Variants in SRGAP2C observed in about 807,000 individuals in gnomAD.
The protein encoded by SRGAP2C is SLIT-ROBO Rho GTPase-activating protein 2C.
Under a neutral mutation model 25.1 loss-of-function variants are expected in SRGAP2C, and 15 were observed. The observed-to-expected ratio is 0.60, with a 90% confidence interval of 0.40 to 0.92. The LOEUF (loss-of-function observed/expected upper bound fraction) is 0.92. Ranked by LOEUF, SRGAP2C falls within the 40% of genes least tolerant of loss-of-function variation. SRGAP2C has a pLI of 0.00. For synonymous variants in SRGAP2C, 44 were observed against 96.6 expected (o/e 0.46, Z 3.19); for missense variants, 144 against 264.4 (o/e 0.54, Z 3.16).
chr1:121,308,879 C>A (rs1275550573), intron 3 of SRGAP2C, among the ~76,000 whole-genome samples: 1 of 134,762 alleles, frequency 7.4e-6, no homozygotes, highest in Non-Finnish European at 1.6e-5. Flanking sequence ...GCGGAGGTTG[C>A]GGTGAGCCGA....
At chr1:121,278,269 AG>A (rs1657159459) in intron 2 of SRGAP2C, among the ~76,000 whole-genome samples, 1 of 151,356 alleles carries the variant, frequency 6.6e-6, no homozygotes, top group Non-Finnish European at 1.5e-5. Context: ...TACTTAATAG[AG>A]TAAAGTAATG....
intron 2 of SRGAP2C, among the ~76,000 whole-genome samples, chr1:121,224,097 TAC>T (rs1655606200): frequency 1.3e-5 from 2 of 151,832 alleles, no homozygotes; most frequent in Admixed American, 1.3e-4. Context: ...GACAAAGAAA[TAC>T]AGTTTCTGCC....
At chr1:121,372,111 G>A (rs1249186581) in intron 5 of SRGAP2C, among the ~76,000 whole-genome samples, 1 of 151,194 alleles carries the variant, frequency 6.6e-6, no homozygotes, top group African/African-American at 2.4e-5. Context: ...AGTAGTGTTA[G>A]GTTCAGAATG....
intron 3 of SRGAP2C, among the ~76,000 whole-genome samples, chr1:121,315,277 A>G (rs1346838405): frequency 3.3e-5 from 5 of 152,008 alleles, no homozygotes; most frequent in Admixed American, 2.0e-4. Flanking sequence ...CTGAGTAGCC[A>G]GGAGTACAGG....
rs1472896146 is a variant in SRGAP2C, at chr1:121,374,923, A to C, written c.800A>C (p.Tyr267Ser). 1.3e-6 allele frequency: 1 copy of C among 778,510 alleles called. No homozygotes were observed. The highest frequency in any genetic ancestry group is 1.7e-5 in the Admixed American group (1 of 58,728). 48.2% of individuals were successfully genotyped at this position (778,510 alleles called of 1,614,324 possible). Residue 267 changes from tyrosine (Y) to serine (S), a missense_variant, in exon 7 of 10, where the codon TAC becomes TCC. By Grantham distance (144) the Tyr-to-Ser change is moderately radical. Coordinates refer to ENST00000367123, the MANE Select transcript of SRGAP2C (RefSeq NM_001329984.2). ...GCAACCAATGCATCTGTCTTCAAGT[A>C]CTACATCCATGACCTATCTGACCTT... is the stretch of plus-strand genomic sequence containing the variant. ...LEATNASVFKYYIHDLSDLID... is the reference protein window; with the variant it reads ...LEATNASVFKSYIHDLSDLID...
chr1:121,315,165 G>C (rs1658068727), intron 3 of SRGAP2C: 1 of 401,628 alleles, frequency 2.5e-6, no homozygotes, highest in African/African-American at 2.1e-5. Context: ...TATTTTTTAA[G>C]AGACAGGTCC....
At chr1:121,285,040 G>A in intron 3 of SRGAP2C, 45 bp downstream of exon 3, 1 of 887,832 alleles carries the variant, frequency 1.1e-6, no homozygotes, top group South Asian at 1.9e-5. Context: ...TGGAATATGG[G>A]GTCCAGGGTG....
intron 3 of SRGAP2C, among the ~76,000 whole-genome samples, chr1:121,305,953 G>T (rs1424867538): frequency 6.6e-6 from 1 of 152,132 alleles, no homozygotes; most frequent in Non-Finnish European, 1.5e-5. Flanking sequence ...GTACTGACAG[G>T]TTTAACCATC....
At chr1:121,224,848 A>G (rs1553326289) in intron 2 of SRGAP2C, among the ~76,000 whole-genome samples, 1 of 151,474 alleles carries the variant, frequency 6.6e-6, no homozygotes, top group Non-Finnish European at 1.5e-5. Flanking sequence ...ATAGCAAGTG[A>G]AAAGGATGTG....
At chr1:121,350,155 G>A (rs1658866194) in intron 4 of SRGAP2C, among the ~76,000 whole-genome samples, 1 of 151,554 alleles carries the variant, frequency 6.6e-6, no homozygotes, top group Non-Finnish European at 1.5e-5. Flanking sequence ...GGGTAGCCTT[G>A]GTAAAATTCC....
chr1:121,189,096 CTT>C (rs1172103186), intron 2 of SRGAP2C, among the ~76,000 whole-genome samples: 10 of 29,056 alleles, frequency 3.4e-4, no homozygotes, highest in African/African-American at 1.9e-3. Context: ...CCAGATATGT[CTT>C]TTTTTTTTTT....
At chr1:121,296,081 C>G (rs1278084630) in intron 3 of SRGAP2C, among the ~76,000 whole-genome samples, 2 of 145,490 alleles carry the variant, frequency 1.4e-5, no homozygotes, top group Non-Finnish European at 3.0e-5. Context: ...GTTTTTTTAA[C>G]AGAAGTTAGG....
At chr1:121,306,776 A>G (rs1372671036) in intron 3 of SRGAP2C, among the ~76,000 whole-genome samples, 2 of 152,038 alleles carry the variant, frequency 1.3e-5, no homozygotes, top group Non-Finnish European at 1.5e-5. Flanking sequence ...ATACGTAATT[A>G]TCTCCCATAA....
At chr1:121,259,574 C>T (rs1348813027) in intron 2 of SRGAP2C, among the ~76,000 whole-genome samples, 2 of 150,612 alleles carry the variant, frequency 1.3e-5, no homozygotes, top group Non-Finnish European at 3.0e-5. Context: ...TACAATTATT[C>T]ATTCATTTAT....
At chr1:121,308,014 C>A (rs1657883796) in intron 3 of SRGAP2C, among the ~76,000 whole-genome samples, 1 of 151,992 alleles carries the variant, frequency 6.6e-6, no homozygotes, top group Non-Finnish European at 1.5e-5. Context: ...CATTAGGCAG[C>A]AGCAGTTTTG....
intron 4 of SRGAP2C, among the ~76,000 whole-genome samples, chr1:121,357,740 A>C (rs377072432): frequency 1.0e-5 from 1 of 98,200 alleles, no homozygotes; most frequent in African/African-American, 4.1e-5. Context: ...GCAATTCCAC[A>C]TAGCATCTTT....
chr1:121,293,021 G>A (rs1168879033), intron 3 of SRGAP2C, among the ~76,000 whole-genome samples: 2 of 89,580 alleles, frequency 2.2e-5, no homozygotes, highest in Admixed American at 2.2e-4. Flanking sequence ...TGGAGGACTG[G>A]AGAGGGCTTT....
chr1:121,336,447 C>T lies in SRGAP2C; in HGVS notation c.423+11807C>T, dbSNP rs1164904655. Reference sequence around the variant, plus strand: ...TCTCCCTCCTCTGTCTCTCTCCCTCCCCCCCTTCCTTCTCCCCTCTGCCTT... The same window carrying T: ...TCTCCCTCCTCTGTCTCTCTCCCTCTCCCCCTTCCTTCTCCCCTCTGCCTT... On this transcript the variant is annotated intron_variant, in intron 4 of 9. Coordinates refer to ENST00000367123, the MANE Select transcript of SRGAP2C (RefSeq NM_001329984.2). Among the ~76,000 whole-genome samples the T allele has an allele frequency of 3.4e-5, 4 of 116,782 alleles. No individual in the cohort carries two copies. In the East Asian group the frequency reaches 1.1e-3, roughly 33 times the overall value. 76.6% of individuals were successfully genotyped at this position (116,782 alleles called of 152,430 possible). A position where few individuals can be genotyped will look rare whatever the true frequency, so the allele number is the denominator to read the frequency against.
chr1:121,230,815 G>T (rs1412615692), intron 2 of SRGAP2C, among the ~76,000 whole-genome samples: 11 of 152,108 alleles, frequency 7.2e-5, no homozygotes, highest in Non-Finnish European at 1.3e-4. Flanking sequence ...ACGGGATAAA[G>T]AAAATATGGC....
Sources: gnomAD v4.1 joint callset for allele counts (sites outside exome capture counted in the v4.1 genomes callset) on GRCh38, gnomAD v4.1.1 for gene constraint, MANE v1.5 for transcripts, NCBI Gene and HGNC (gene_info 2026-07-23, HGNC 2026-07-21) for gene names.